The following DHRSX variants were observed in gnomAD, a reference collection of about 807,000 sequenced individuals.
DHRSX encodes dehydrogenase/reductase X-linked.
Under a neutral mutation model 34.0 loss-of-function variants are expected in DHRSX, and 31 were observed. That is an observed-to-expected ratio of 0.91 (90% confidence interval 0.69 to 1.23). DHRSX has a LOEUF of 1.23. Ranked by LOEUF, DHRSX falls within the 50% of genes most tolerant of loss-of-function variation. DHRSX has a pLI of 0.00. For synonymous variants in DHRSX, 201 were observed against 183.8 expected, an observed-to-expected ratio of 1.09 and a Z score of -0.76; for missense variants, 414 against 428.1, an observed-to-expected ratio of 0.97 and a Z score of 0.29.
Position 2,393,809 on chromosome X carries a change from CG to C in DHRSX, c.286+14935del, listed in dbSNP as rs1569496828. Among the ~76,000 whole-genome samples the C allele has an allele frequency of 4.6e-4, 24 of 52,418 alleles. 1 individual carries two copies. The highest frequency in any genetic ancestry group is 8.2e-4 in the Non-Finnish European group (21 of 25,470). The allele number at this position is 52,418 out of a possible 152,430, so 34.4% of individuals were successfully genotyped here. On this transcript the variant is annotated intron_variant, in intron 3 of 6. Coordinates refer to ENST00000334651, the MANE Select transcript of DHRSX (RefSeq NM_145177.3). The stretch of plus-strand genomic sequence containing the variant: ...GGGACCTCCCTGTCTCCTGCACACA[CG>C]ACACACAGGGACCTCCCCGTCTCCT...
intron 3 of DHRSX, among the ~76,000 whole-genome samples, chrX:2,298,605 C>T (rs972789871): frequency 5.4e-5 from 3 of 55,348 alleles, no homozygotes; most frequent in African/African-American, 1.2e-4. Flanking sequence ...CGTGTGTACA[C>T]ACACACACAC....
intron 1 of DHRSX, among the ~76,000 whole-genome samples, chrX:2,471,915 G>A (rs1021041012): frequency 3.9e-5 from 6 of 151,924 alleles, no homozygotes; most frequent in Non-Finnish European, 7.4e-5. Context: ...GGAGGCCGTG[G>A]AGGGCAGATT....
intron 3 of DHRSX, among the ~76,000 whole-genome samples, chrX:2,381,457 T>C (rs2043201823): frequency 6.6e-6 from 1 of 151,742 alleles, no homozygotes. Context: ...ACCCCGTCTA[T>C]ACTAAAAATA....
intron 3 of DHRSX, among the ~76,000 whole-genome samples, chrX:2,376,276 A>T (rs28668884): frequency 0.64 from 86,534 of 135,964 alleles, 33,133 homozygotes; most frequent in East Asian, 0.76. Flanking sequence ...TATGTGTCTG[A>T]GTGTGCATGT....
chrX:2,272,301 G>T (rs756433170), intron 4 of DHRSX, among the ~76,000 whole-genome samples: 41 of 152,212 alleles, frequency 2.7e-4, no homozygotes, highest in Non-Finnish European at 4.6e-4. Context: ...ATCCGTGCCT[G>T]AAGTGTCATA....
chrX:2,298,622 A>ACGCACACG (rs2041970625), intron 3 of DHRSX, among the ~76,000 whole-genome samples: 1 of 147,996 alleles, frequency 6.8e-6, no homozygotes, highest in African/African-American at 2.6e-5. Context: ...ACACACACAC[A>ACGCACACG]CACACACACA....
At chrX:2,223,731 A>T (rs1176653167) in intron 6 of DHRSX, among the ~76,000 whole-genome samples, 2 of 151,834 alleles carry the variant, frequency 1.3e-5, no homozygotes, top group Admixed American at 1.3e-4. Flanking sequence ...GATCTGTTTC[A>T]TGCTTCTCTC....
At chrX:2,314,455 G>GGGGAGAAGGA (rs2042213606) in intron 3 of DHRSX, among the ~76,000 whole-genome samples, 1 of 26,788 alleles carries the variant, frequency 3.7e-5, no homozygotes. Flanking sequence ...GGGGAGAAGG[G>GGGGAGAAGGA]AGGAAGGAAG....
intron 3 of DHRSX, among the ~76,000 whole-genome samples, chrX:2,353,665 T>C (rs1430825957): frequency 6.7e-6 from 1 of 149,732 alleles, no homozygotes; most frequent in African/African-American, 2.5e-5. Flanking sequence ...CTCACCTCAA[T>C]CTCCGCCTCC....
At chrX:2,364,780 CTCTA>C (rs1321917498) in intron 3 of DHRSX, among the ~76,000 whole-genome samples, 5 of 152,092 alleles carry the variant, frequency 3.3e-5, no homozygotes, top group Non-Finnish European at 5.9e-5. Flanking sequence ...TCTGTTTACT[CTCTA>C]TCTACTGTCT....
At chrX:2,289,956 C>G (rs1272909561) in intron 4 of DHRSX, among the ~76,000 whole-genome samples, 1 of 152,238 alleles carries the variant, frequency 6.6e-6, no homozygotes, top group Non-Finnish European at 1.5e-5. Context: ...AGGCTAAGTA[C>G]ATGGAAATGG....
chrX:2,451,906 G>A (rs1317023256), intron 1 of DHRSX, among the ~76,000 whole-genome samples: 1 of 150,474 alleles, frequency 6.6e-6, no homozygotes, highest in African/African-American at 2.4e-5. Flanking sequence ...CACTGAAGAC[G>A]TTCCCTAGGC....
At chrX:2,225,913 C>T (rs1307080969) in intron 6 of DHRSX, among the ~76,000 whole-genome samples, 1 of 151,418 alleles carries the variant, frequency 6.6e-6, no homozygotes, top group Admixed American at 6.6e-5. Context: ...TGGACTGAGA[C>T]AGCTCATAAG....
intron 3 of DHRSX, among the ~76,000 whole-genome samples, chrX:2,312,310 A>G (rs1207474473): frequency 6.6e-6 from 1 of 152,158 alleles, no homozygotes. Context: ...ACAACCAAGG[A>G]AATTAGAGTC....
At chrX:2,373,220 T>C (rs2043100977) in intron 3 of DHRSX, among the ~76,000 whole-genome samples, 1 of 152,136 alleles carries the variant, frequency 6.6e-6, no homozygotes, top group African/African-American at 2.4e-5. Flanking sequence ...ATGATTCAAT[T>C]TCCTCCACCT....
intron 3 of DHRSX, among the ~76,000 whole-genome samples, chrX:2,362,815 G>T (rs1324665812): frequency 1.5e-5 from 2 of 132,472 alleles, no homozygotes; most frequent in African/African-American, 3.1e-5. Context: ...CCGTTCTATG[G>T]TATCATGCCT....
At chrX:2,452,817 G>T (rs2044243554) in intron 1 of DHRSX, among the ~76,000 whole-genome samples, 1 of 152,222 alleles carries the variant, frequency 6.6e-6, no homozygotes, top group African/African-American at 2.4e-5. Flanking sequence ...CAGTGAAGAC[G>T]TTCCAAAGGT....
chrX:2,332,208 A>G (rs1330655839), intron 3 of DHRSX, among the ~76,000 whole-genome samples: 4 of 152,180 alleles, frequency 2.6e-5, no homozygotes, highest in Non-Finnish European at 5.9e-5. Flanking sequence ...AGATTCTTGA[A>G]AAGATCATGG....
chrX:2,491,388 C>A (rs866690212), intron 1 of DHRSX, among the ~76,000 whole-genome samples: 1 of 152,258 alleles, frequency 6.6e-6, no homozygotes, highest in South Asian at 2.1e-4. Context: ...CCTCTGTCAT[C>A]GCAGGGGCTT....
Sources: allele counts gnomAD v4.1 joint callset (sites outside exome capture counted in the v4.1 genomes callset), GRCh38; gene constraint gnomAD v4.1.1; transcripts MANE v1.5; gene names NCBI Gene and HGNC (gene_info 2026-07-23, HGNC 2026-07-21).